The following COL5A2 variants were observed in gnomAD, a reference collection of about 807,000 sequenced individuals.
COL5A2 encodes the protein collagen type V alpha 2 chain, also known as collagen alpha-2(V) chain.
Under a neutral mutation model 208.2 loss-of-function variants are expected in COL5A2, and 23 were observed. The ratio of observed to expected loss-of-function variants is 0.11; its 90% CI spans 0.08 to 0.16. The LOEUF (loss-of-function observed/expected upper bound fraction) is 0.16. Among genes scored for constraint, COL5A2 ranks in the 10% least tolerant of loss-of-function variants. The probability of loss-of-function intolerance (pLI) is 1.00; values close to 1 mark genes in which losing one functional copy is unlikely to be tolerated. For synonymous variants in COL5A2, 625 were observed against 628.5 expected (o/e 0.99, Z 0.08); for missense variants, 1,590 against 1,956.4 (o/e 0.81, Z 3.53).
the COL5A2 span, among the ~76,000 whole-genome samples, chr2:189,410,751 G>A: frequency 6.6e-6 from 1 of 151,842 alleles, no homozygotes; most frequent in Non-Finnish European, 1.5e-5. Flanking sequence ...AAAATTATGT[G>A]AATATATATG....
the COL5A2 span, among the ~76,000 whole-genome samples, chr2:189,417,457 G>A: frequency 6.6e-6 from 1 of 150,540 alleles, no homozygotes; most frequent in Non-Finnish European, 1.5e-5. Context: ...TTCACATTTG[G>A]TTGACTATTC....
the COL5A2 span, among the ~76,000 whole-genome samples, chr2:189,310,738 C>T: frequency 3.2e-4 from 1 of 3,104 alleles, no homozygotes; most frequent in Non-Finnish European, 8.6e-4. Flanking sequence ...TACTATCAAA[C>T]CAAAAAAAAA....
upstream of COL5A2, among the ~76,000 whole-genome samples, chr2:189,228,576 T>C (rs905714598): frequency 2.0e-5 from 3 of 151,782 alleles, no homozygotes; most frequent in Admixed American, 6.6e-5. Flanking sequence ...AATGGATAAA[T>C]TCCTAGAAAC....
At chr2:189,192,362 C>T (rs571921317) in intron 1 of COL5A2, among the ~76,000 whole-genome samples, 208 of 152,262 alleles carry the variant, frequency 1.4e-3, no homozygotes, top group Admixed American at 2.4e-3. Flanking sequence ...ACAGAATATT[C>T]TCTCTGGAAG....
At chr2:189,258,171 AATTT>A in the COL5A2 span, among the ~76,000 whole-genome samples, 1 of 152,160 alleles carries the variant, frequency 6.6e-6, no homozygotes, top group Non-Finnish European at 1.5e-5. Flanking sequence ...TTGTGAAATA[AATTT>A]ATTTATGTTT....
the COL5A2 span, among the ~76,000 whole-genome samples, chr2:189,351,864 T>A: frequency 6.6e-6 from 1 of 152,094 alleles, no homozygotes; most frequent in East Asian, 1.9e-4. Flanking sequence ...AATATGCAGG[T>A]TTGTTACATA....
At chr2:189,363,869 A>T in the COL5A2 span, among the ~76,000 whole-genome samples, 1 of 152,192 alleles carries the variant, frequency 6.6e-6, no homozygotes, top group South Asian at 2.1e-4. Context: ...AATAGGAATG[A>T]CTTCCATGAA....
chr2:189,365,067 C>A, the COL5A2 span, among the ~76,000 whole-genome samples: 1 of 152,190 alleles, frequency 6.6e-6, no homozygotes, highest in Non-Finnish European at 1.5e-5. Flanking sequence ...AAGATAGTAT[C>A]AAATACTTTT....
At chr2:189,209,562 G>A (rs1049252086) in intron 1 of COL5A2, among the ~76,000 whole-genome samples, 2 of 152,088 alleles carry the variant, frequency 1.3e-5, no homozygotes, top group African/African-American at 4.8e-5. Flanking sequence ...TAGTAGTGCT[G>A]GAGACAGAAT....
chr2:189,084,134 T>C (rs1686599157), intron 11 of COL5A2, 97 bp from the exon 12 acceptor site: 20 of 865,134 alleles, frequency 2.3e-5, no homozygotes, highest in Non-Finnish European at 3.1e-5. Flanking sequence ...TAAAACAGTC[T>C]TCTTTAGAAA....
intron 1 of COL5A2, among the ~76,000 whole-genome samples, chr2:189,198,417 T>C (rs952839333): frequency 2.0e-5 from 3 of 152,120 alleles, no homozygotes; most frequent in African/African-American, 2.4e-5. Context: ...TAAAACCATA[T>C]ATAATTTACG....
chr2:189,292,068 C>T, the COL5A2 span, among the ~76,000 whole-genome samples: 1 of 152,056 alleles, frequency 6.6e-6, no homozygotes, highest in Non-Finnish European at 1.5e-5. Context: ...TTTGCATTTT[C>T]CTAGAGAGAA....
At chr2:189,379,092 A>T in the COL5A2 span, among the ~76,000 whole-genome samples, 1 of 152,164 alleles carries the variant, frequency 6.6e-6, no homozygotes, top group South Asian at 2.1e-4. Context: ...GAATCTTTTG[A>T]ATACTACAGA....
rs113119538 is a variant in COL5A2, at chr2:189,079,331, C to T, written c.961-224G>A. On this transcript the variant is annotated intron_variant, in intron 14 of 53. Coordinates refer to ENST00000374866, the MANE Select transcript of COL5A2 (RefSeq NM_000393.5). ...AATAATATTGGGGACTTAAGATTGA[C>T]GGAAACTATCATACCTAGCCACAGT... Among the ~76,000 whole-genome samples, 270 of 152,232 alleles carry T rather than the reference C, an allele frequency of 1.8e-3. 1 individual carries two copies. The highest frequency in any genetic ancestry group is 5.9e-3 in the African/African-American group (243 of 41,536).
the COL5A2 span, among the ~76,000 whole-genome samples, chr2:189,315,186 C>T: frequency 2.6e-5 from 4 of 152,152 alleles, no homozygotes; most frequent in Admixed American, 1.3e-4. Context: ...AAAATACTGG[C>T]AAGCCAAATC....
chr2:189,336,889 A>C, the COL5A2 span, among the ~76,000 whole-genome samples: 1 of 152,200 alleles, frequency 6.6e-6, no homozygotes, highest in Non-Finnish European at 1.5e-5. Context: ...AAACGTAAAA[A>C]CCTAAACAAT....
intron 1 of COL5A2, among the ~76,000 whole-genome samples, chr2:189,114,806 C>T (rs1469328451): frequency 2.6e-5 from 4 of 151,918 alleles, no homozygotes; most frequent in East Asian, 3.9e-4. Context: ...CAATGGCACA[C>T]GTTTACCTAT....
chr2:189,424,161 A>C, the COL5A2 span, among the ~76,000 whole-genome samples: 2 of 152,232 alleles, frequency 1.3e-5, no homozygotes, highest in African/African-American at 4.8e-5. Flanking sequence ...TAATGATTAA[A>C]AAACTGTGAA....
At chr2:189,301,820 T>C in the COL5A2 span, among the ~76,000 whole-genome samples, 1 of 152,162 alleles carries the variant, frequency 6.6e-6, no homozygotes, top group Non-Finnish European at 1.5e-5. Flanking sequence ...AACTAATTAT[T>C]ACCTAAAAAT....
Sources: allele counts gnomAD v4.1 joint callset (sites outside exome capture counted in the v4.1 genomes callset), GRCh38; gene constraint gnomAD v4.1.1; transcripts MANE v1.5; gene names NCBI Gene and HGNC (gene_info 2026-07-23, HGNC 2026-07-21).